Variants in GALNTL6 observed in about 807,000 individuals in gnomAD.
GALNTL6 encodes the protein polypeptide N-acetylgalactosaminyltransferase like 6, also known as polypeptide N-acetylgalactosaminyltransferase-like 6.
In GALNTL6, 46 loss-of-function variants were observed where a neutral mutation model predicts 73.7. The observed-to-expected ratio is 0.62, with a 90% CI of 0.49 to 0.80. GALNTL6 has a LOEUF of 0.80. GALNTL6 is among the 30% of genes least tolerant of loss of function. The pLI is 0.00. For missense variants in GALNTL6, 604 were observed against 755.0 expected, an observed-to-expected ratio of 0.80 and a Z score of 2.34; for synonymous variants, 259 against 263.7, an observed-to-expected ratio of 0.98 and a Z score of 0.17.
intron 5 of GALNTL6, among the ~76,000 whole-genome samples, chr4:172,529,951 A>G (rs1735115937): frequency 6.6e-6 from 1 of 151,084 alleles, no homozygotes; most frequent in South Asian, 2.1e-4. Context: ...CATGCTGGCA[A>G]GGCTGGTCTT....
At chr4:172,579,241 C>T (rs1235775577) in intron 5 of GALNTL6, among the ~76,000 whole-genome samples, 1 of 152,154 alleles carries the variant, frequency 6.6e-6, no homozygotes, top group East Asian at 1.9e-4. Flanking sequence ...TTACTTTGCA[C>T]TAGGTAATTT....
At chr4:171,904,844 A>G (rs569049414) in intron 2 of GALNTL6, among the ~76,000 whole-genome samples, 1 of 152,342 alleles carries the variant, frequency 6.6e-6, no homozygotes, top group South Asian at 2.1e-4. Flanking sequence ...AATATTCAAC[A>G]TTCTTAAATA....
chr4:172,391,188 C>T (rs568206037), intron 5 of GALNTL6, among the ~76,000 whole-genome samples: 1 of 152,298 alleles, frequency 6.6e-6, no homozygotes, highest in African/African-American at 2.4e-5. Context: ...ATTTATTTCT[C>T]ACAGTTCTGC....
At chr4:172,128,126 T>A (rs907441026) in intron 2 of GALNTL6, among the ~76,000 whole-genome samples, 23 of 151,904 alleles carry the variant, frequency 1.5e-4, no homozygotes, top group Non-Finnish European at 4.4e-5. Flanking sequence ...AAAAAGTGTC[T>A]AAACAGTAAA....
At chr4:171,988,369 T>G (rs1184435466) in intron 2 of GALNTL6, among the ~76,000 whole-genome samples, 1 of 152,204 alleles carries the variant, frequency 6.6e-6, no homozygotes, top group Non-Finnish European at 1.5e-5. Context: ...TGGGCTTGAC[T>G]GAAGTAATAG....
intron 5 of GALNTL6, among the ~76,000 whole-genome samples, chr4:172,582,932 C>T (rs1449810109): frequency 2.0e-5 from 3 of 152,152 alleles, no homozygotes; most frequent in African/African-American, 7.2e-5. Context: ...TATGTCTATC[C>T]CTTTCTCTAA....
chr4:172,959,905 T>C (rs527824995), intron 10 of GALNTL6, among the ~76,000 whole-genome samples: 2 of 152,184 alleles, frequency 1.3e-5, no homozygotes, highest in Non-Finnish European at 2.9e-5. Flanking sequence ...AGTTCTTGTG[T>C]GCTGGAGATG....
chr4:172,531,267 A>C (rs539610684), intron 5 of GALNTL6, among the ~76,000 whole-genome samples: 2 of 152,340 alleles, frequency 1.3e-5, no homozygotes, highest in South Asian at 4.1e-4. Flanking sequence ...TGCAAGAGTA[A>C]ATGAAAAGGC....
chr4:172,232,443 T>A (rs1205950721), intron 3 of GALNTL6, among the ~76,000 whole-genome samples: 1 of 152,202 alleles, frequency 6.6e-6, no homozygotes, highest in African/African-American at 2.4e-5. Context: ...TTCTGTAACA[T>A]TGTCCTCTTG....
intron 7 of GALNTL6, among the ~76,000 whole-genome samples, chr4:172,817,200 C>A (rs986166469): frequency 6.6e-6 from 1 of 151,458 alleles, no homozygotes; most frequent in African/African-American, 2.4e-5. Flanking sequence ...CCAAGGCAGG[C>A]AGATTGCTTG....
At chr4:172,763,112 G>A (rs561393201) in intron 5 of GALNTL6, among the ~76,000 whole-genome samples, 12 of 151,970 alleles carry the variant, frequency 7.9e-5, no homozygotes, top group Non-Finnish European at 1.6e-4. Flanking sequence ...ACACAGGAGC[G>A]GTACTAAGGG....
intron 12 of GALNTL6, among the ~76,000 whole-genome samples, chr4:173,033,278 C>T (rs1296042344): frequency 1.3e-5 from 2 of 151,560 alleles, no homozygotes; most frequent in African/African-American, 2.4e-5. Context: ...GCTGGGATTA[C>T]AGGCATGAGC....
intron 7 of GALNTL6, among the ~76,000 whole-genome samples, chr4:172,817,728 T>C (rs1416613717): frequency 2.0e-5 from 3 of 152,172 alleles, no homozygotes; most frequent in Admixed American, 1.3e-4. Context: ...CTTGTCCAAA[T>C]TCCCTTCAAT....
At chr4:171,863,903 G>T (rs1490338695) in intron 2 of GALNTL6, among the ~76,000 whole-genome samples, 1 of 151,978 alleles carries the variant, frequency 6.6e-6, no homozygotes, top group Non-Finnish European at 1.5e-5. Context: ...GGTTACAGGT[G>T]CCCGCCACCA....
chr4:172,936,375 A>G (rs2111333708), intron 9 of GALNTL6, among the ~76,000 whole-genome samples: 1 of 152,282 alleles, frequency 6.6e-6, no homozygotes, highest in East Asian at 1.9e-4. Flanking sequence ...AGCACAAGAC[A>G]AGGATACCCT....
intron 2 of GALNTL6, among the ~76,000 whole-genome samples, chr4:171,921,285 A>G (rs1737779275): frequency 6.6e-6 from 1 of 152,106 alleles, no homozygotes; most frequent in Admixed American, 6.6e-5. Flanking sequence ...TGTGTCGACC[A>G]TGTTTTTGTT....
rs936624580 is a variant in GALNTL6, at chr4:172,229,844, C to G, written c.247+80C>G. 3.7e-6 allele frequency: 3 copies of G among 821,894 alleles called. No individual in the cohort carries two copies. The African/African-American group carries it at 5.0e-5, about 14-fold the overall frequency. 50.9% of individuals were successfully genotyped at this position (821,894 alleles called of 1,614,324 possible). ...TGTCACGTAAAGGATCTCTAATTAGCATTTCTTCTGCACACTGTAAAGTAT... is the reference window on the plus strand; with the variant it reads ...TGTCACGTAAAGGATCTCTAATTAGGATTTCTTCTGCACACTGTAAAGTAT... On this transcript the variant is annotated intron_variant, in intron 3 of 12. Transcript: ENST00000506823.
At chr4:172,840,777 G>A (rs1358989339) in intron 7 of GALNTL6, among the ~76,000 whole-genome samples, 4 of 152,138 alleles carry the variant, frequency 2.6e-5, no homozygotes, top group South Asian at 2.1e-4. Context: ...ATGTGCTATC[G>A]AGACTGTCCT....
At chr4:171,934,430 A>G (rs1474307675) in intron 2 of GALNTL6, among the ~76,000 whole-genome samples, 5 of 152,140 alleles carry the variant, frequency 3.3e-5, no homozygotes, top group African/African-American at 1.2e-4. Flanking sequence ...TTTTTGAGAC[A>G]GGGTCTCATT....
Sources: allele counts gnomAD v4.1 joint callset (sites outside exome capture counted in the v4.1 genomes callset), GRCh38; gene constraint gnomAD v4.1.1; transcripts MANE v1.5; gene names NCBI Gene and HGNC (gene_info 2026-07-23, HGNC 2026-07-21).